Variants in ARPP21 observed in about 807,000 individuals in gnomAD.
ARPP21 encodes cAMP-regulated phosphoprotein 21.
Under a neutral mutation model 113.2 loss-of-function variants are expected in ARPP21, and 69 were observed. The observed-to-expected ratio is 0.61, with a 90% CI of 0.50 to 0.74. The LOEUF (loss-of-function observed/expected upper bound fraction) is 0.74. Among genes scored for constraint, ARPP21 ranks in the 30% least tolerant of loss-of-function variants. ARPP21 has a pLI of 0.00. For synonymous variants in ARPP21, 368 were observed against 375.5 expected (o/e 0.98, Z 0.23); for missense variants, 1,070 against 1,037.4 (o/e 1.03, Z -0.43).
At chr3:35,700,369 T>G (rs1559665598) in intron 9 of ARPP21, among the ~76,000 whole-genome samples, 1 of 151,804 alleles carries the variant, frequency 6.6e-6, no homozygotes, top group Non-Finnish European at 1.5e-5. Flanking sequence ...TGCTAGTTTA[T>G]GCCCATTTTA....
Position 35,681,845 on chromosome 3 carries a change from G to C in ARPP21, c.94G>C (p.Glu32Gln). ...ATPENGIVKS[E>Q]SLDEEEKLEL... is the part of the protein sequence containing the mutation. ...TCCAGAGAACGGCATTGTTAAATCA[G>C]AAAGTCTGGATGAAGAGGAGAAACT... The change falls in exon 3 of 21, where the codon GAA becomes CAA. Residue 32 changes from glutamate to glutamine, a missense_variant. Transcript: ENST00000684406. 1 of 1,612,180 alleles carries C rather than the reference G, an allele frequency of 6.2e-7. No homozygotes were observed. Among genetic ancestry groups the C allele is most frequent in the African/African-American group, 1.3e-5 (1 of 74,884 alleles).
intron 3 of ARPP21, chr3:35,682,360 T>C (rs537219450): frequency 6.3e-6 from 1 of 157,862 alleles, no homozygotes; most frequent in South Asian, 2.0e-4. Context: ...AAAGAGAGAG[T>C]ACTTGAAGGA....
intron 1 of ARPP21, among the ~76,000 whole-genome samples, chr3:35,659,350 A>G (rs1179611569): frequency 6.6e-6 from 1 of 152,220 alleles, no homozygotes; most frequent in Non-Finnish European, 1.5e-5. Context: ...AAAATATGAT[A>G]ATATGAATAT....
At chr3:35,690,659 A>G (rs563743339) in intron 8 of ARPP21, among the ~76,000 whole-genome samples, 6 of 151,794 alleles carry the variant, frequency 4.0e-5, no homozygotes, top group African/African-American at 1.2e-4. Flanking sequence ...GCAACTATGA[A>G]ACAAAGATGT....
intron 19 of ARPP21, among the ~76,000 whole-genome samples, chr3:35,764,881 T>A (rs571878185): frequency 6.6e-6 from 1 of 152,290 alleles, no homozygotes; most frequent in South Asian, 2.1e-4. Context: ...TACATTCTTA[T>A]TGAGTGTGGC....
chr3:35,769,601 C>T (rs1250495673), intron 19 of ARPP21, among the ~76,000 whole-genome samples: 1 of 152,244 alleles, frequency 6.6e-6, no homozygotes, highest in South Asian at 2.1e-4. Flanking sequence ...TGCTGAGATA[C>T]CCTGTGGCTC....
At chr3:35,670,646 G>T (rs1445625674) in intron 1 of ARPP21, among the ~76,000 whole-genome samples, 1 of 152,032 alleles carries the variant, frequency 6.6e-6, no homozygotes, top group Non-Finnish European at 1.5e-5. Context: ...GAGCCTGAGT[G>T]CTGCCTGCCA....
At chr3:35,693,173 C>A (rs759248762) in intron 9 of ARPP21, among the ~76,000 whole-genome samples, 6 of 151,632 alleles carry the variant, frequency 4.0e-5, no homozygotes, top group Non-Finnish European at 7.4e-5. Context: ...AAGGCCAGGG[C>A]TCAGTCTCTG....
rs184147157 is a variant in ARPP21, at chr3:35,738,225, G to C, written c.1656G>C (p.Gly552=). ...AGPLVTQSVQ[G]LQASSQSVQY... The stretch of plus-strand genomic sequence containing the variant: ...TTTCTTTCCTCCAGTCTGTCCAGGG[G>C]CTGCAGGCTTCCTCCCAGTCAGTGC... Residue 552 remains glycine (G), a synonymous_variant, in exon 17 of 21, where the codon GGG becomes GGC. Coordinates refer to ENST00000684406, the MANE Select transcript of ARPP21 (RefSeq NM_001385562.1). The C allele has an allele frequency of 2.9e-4, 452 of 1,534,970 alleles. 3 individuals are homozygous for C. The East Asian group carries it at 0.011, about 36-fold the overall frequency.
chr3:35,779,742 A>T (rs935774631), intron 19 of ARPP21, among the ~76,000 whole-genome samples: 1 of 152,178 alleles, frequency 6.6e-6, no homozygotes, highest in Non-Finnish European at 1.5e-5. Flanking sequence ...AACCTAAAAA[A>T]CATCAGGCTA....
chr3:35,657,891 T>G (rs1705759730), intron 1 of ARPP21, among the ~76,000 whole-genome samples: 1 of 152,132 alleles, frequency 6.6e-6, no homozygotes, highest in South Asian at 2.1e-4. Context: ...TGGTCGTGCA[T>G]CCACTCTACA....
rs1559547754 is a variant in ARPP21 at position 35,667,877 on chromosome 3, GAAGAAGAA to G, written c.-212-11909_-212-11902del. ...AGAAGAAGAAGAAGAAGAAGAAGAA[GAAGAAGAA>G]GAAGAGGAAGAGGAAGAGGAAGAGG... On this transcript the variant is annotated intron_variant, in intron 1 of 20. Coordinates refer to ENST00000684406, the MANE Select transcript of ARPP21 (RefSeq NM_001385562.1). 2.3e-3 allele frequency among the ~76,000 whole-genome samples: 319 copies of G among 136,438 alleles called. 16 individuals carry two copies. The highest frequency in any genetic ancestry group is 9.1e-3 in the African/African-American group (286 of 31,600). 89.5% of individuals were successfully genotyped at this position (136,438 alleles called of 152,430 possible).
intron 19 of ARPP21, among the ~76,000 whole-genome samples, chr3:35,786,052 A>G (rs2096626364): frequency 6.6e-6 from 1 of 152,222 alleles, no homozygotes. Context: ...AGAAAGTTAA[A>G]GGGAAAAAAG....
intron 18 of ARPP21, 68 bp from the exon 19 acceptor site, chr3:35,743,771 A>G: frequency 6.5e-7 from 1 of 1,545,746 alleles, no homozygotes; most frequent in Non-Finnish European, 8.9e-7. Flanking sequence ...ACGAAAGCAT[A>G]TTTTAAGTTT....
chr3:35,708,828 C>T (rs2090128419), intron 10 of ARPP21, 141 bp from the exon 11 acceptor site: 5 of 646,032 alleles, frequency 7.7e-6, no homozygotes, highest in East Asian at 5.4e-5. Context: ...AACACAGCCT[C>T]CTCAGGAAAC....
intron 1 of ARPP21, among the ~76,000 whole-genome samples, chr3:35,663,991 T>G (rs1407493002): frequency 1.3e-5 from 2 of 152,232 alleles, no homozygotes; most frequent in African/African-American, 4.8e-5. Context: ...GAAAGTGAAC[T>G]GTCCAGTCGT....
intron 15 of ARPP21, among the ~76,000 whole-genome samples, chr3:35,734,640 A>C (rs1269755924): frequency 1.3e-5 from 2 of 152,176 alleles, no homozygotes; most frequent in East Asian, 3.9e-4. Flanking sequence ...ATATATTTGC[A>C]CTCAAAATTT....
chr3:35,703,277 G>T (rs2087217312), intron 9 of ARPP21, among the ~76,000 whole-genome samples: 1 of 151,780 alleles, frequency 6.6e-6, no homozygotes, highest in Non-Finnish European at 1.5e-5. Flanking sequence ...CAAGCTTCAA[G>T]GGGGAAAAAA....
At chr3:35,763,294 G>A (rs549166578) in intron 19 of ARPP21, among the ~76,000 whole-genome samples, 23 of 151,992 alleles carry the variant, frequency 1.5e-4, no homozygotes, top group Non-Finnish European at 2.6e-4. Flanking sequence ...CTTACAACTG[G>A]GCTGTTGATA....
Sources: gnomAD v4.1 joint callset for allele counts (sites outside exome capture counted in the v4.1 genomes callset) on GRCh38, gnomAD v4.1.1 for gene constraint, MANE v1.5 for transcripts, NCBI Gene and HGNC (gene_info 2026-07-23, HGNC 2026-07-21) for gene names.